Variants in CTNNA3 observed in about 807,000 individuals in gnomAD.
CTNNA3 encodes the protein catenin alpha 3, also known as catenin alpha-3.
A neutral mutation model predicts 95.7 loss-of-function variants in CTNNA3; 76 were observed. The ratio of observed to expected loss-of-function variants is 0.79; its 90% confidence interval spans 0.66 to 0.96. CTNNA3 has a LOEUF of 0.96. Ranked by LOEUF, CTNNA3 falls within the 40% of genes least tolerant of loss-of-function variation. The probability of loss-of-function intolerance (pLI) is 0.00; values close to 1 mark genes in which losing one functional copy is unlikely to be tolerated. For missense variants in CTNNA3, 1,191 were observed against 1,089.8 expected, an observed-to-expected ratio of 1.09 and a Z score of -1.31; for synonymous variants, 431 against 374.4, an observed-to-expected ratio of 1.15 and a Z score of -1.74.
At chr10:67,249,943 A>G (rs920392862) in intron 5 of CTNNA3, among the ~76,000 whole-genome samples, 15 of 152,380 alleles carry the variant, frequency 9.8e-5, no homozygotes, top group Non-Finnish European at 2.2e-4. Flanking sequence ...TAGTGGTCCC[A>G]GCTAGGTACC....
At chr10:67,237,469 A>T (rs1865539584) in intron 5 of CTNNA3, among the ~76,000 whole-genome samples, 1 of 151,862 alleles carries the variant, frequency 6.6e-6, no homozygotes, top group African/African-American at 2.4e-5. Context: ...CCAAAATTTT[A>T]CAAGTCACCA....
chr10:66,371,218 G>A (rs2092751935), intron 12 of CTNNA3, among the ~76,000 whole-genome samples: 1 of 152,086 alleles, frequency 6.6e-6, no homozygotes, highest in African/African-American at 2.4e-5. Context: ...TGTAGTTAAA[G>A]AAAGAAGAAA....
chr10:66,939,296 C>T (rs1432775478), intron 7 of CTNNA3, among the ~76,000 whole-genome samples: 3 of 152,232 alleles, frequency 2.0e-5, no homozygotes, highest in African/African-American at 4.8e-5. Context: ...CTTTGCACTA[C>T]ATTTCTTTTT....
intron 11 of CTNNA3, among the ~76,000 whole-genome samples, chr10:66,383,963 AAAC>A: frequency 6.6e-6 from 1 of 152,292 alleles, no homozygotes; most frequent in African/African-American, 2.4e-5. Flanking sequence ...ACATGGAAAG[AAAC>A]AACTGGTACC....
At chr10:65,994,178 T>C (rs992806666) in intron 15 of CTNNA3, among the ~76,000 whole-genome samples, 6 of 152,222 alleles carry the variant, frequency 3.9e-5, no homozygotes, top group African/African-American at 1.4e-4. Context: ...TATGGTTTGG[T>C]GTTTTTCTGT....
chr10:67,184,108 T>C (rs1862719940), intron 6 of CTNNA3, among the ~76,000 whole-genome samples: 1 of 152,210 alleles, frequency 6.6e-6, no homozygotes, highest in South Asian at 2.1e-4. Context: ...CTGGTGAAGC[T>C]TTCCTAAGCA....
chr10:66,465,356 G>C (rs975046148), intron 11 of CTNNA3, among the ~76,000 whole-genome samples: 1 of 152,100 alleles, frequency 6.6e-6, no homozygotes, highest in Admixed American at 6.6e-5. Flanking sequence ...GTTTGAATCA[G>C]TGTTCAGACT....
rs145119798 is a variant in CTNNA3, at chr10:65,966,632, C to T, written c.2380G>A (p.Gly794Arg). Residue 794 changes from glycine to arginine, a missense_variant, in exon 17 of 18, where the codon GGA (glycine) becomes AGA (arginine). By Grantham distance (125) the Gly-to-Arg change is moderately radical. Transcript: ENST00000433211. ...CTCACAGCTGACATGATGAGCTCTC[C>T]TCCCAGGTTCTGGATCTCAGCTTTA... ...QVKAEIQNLG[G>R]ELIMSALDSV... 8.1e-6 allele frequency: 13 copies of T among 1,613,768 alleles called. No individual in the cohort carries two copies. The highest frequency in any genetic ancestry group is 1.3e-5 in the African/African-American group (1 of 75,056).
intron 11 of CTNNA3, among the ~76,000 whole-genome samples, chr10:66,420,833 A>ATTAATTAATTAAT (rs1296220540): frequency 1.3e-5 from 1 of 77,356 alleles, no homozygotes; most frequent in African/African-American, 5.1e-5. Flanking sequence ...AAATAAATAA[A>ATTAATTAATTAAT]TAAATAAAAA....
chr10:66,846,859 G>GT (rs1212120536), intron 7 of CTNNA3, among the ~76,000 whole-genome samples: 3 of 152,122 alleles, frequency 2.0e-5, no homozygotes, highest in Admixed American at 6.5e-5. Flanking sequence ...CTTTGTTGTA[G>GT]TCCTGGTCTG....
At chr10:66,856,214 G>A (rs1185105069) in intron 7 of CTNNA3, among the ~76,000 whole-genome samples, 1 of 151,930 alleles carries the variant, frequency 6.6e-6, no homozygotes, top group Non-Finnish European at 1.5e-5. Flanking sequence ...TAGAATAATG[G>A]TCTCTAGCTC....
chr10:66,250,886 T>A (rs1022533200), intron 13 of CTNNA3, among the ~76,000 whole-genome samples: 33 of 152,226 alleles, frequency 2.2e-4, no homozygotes, highest in Non-Finnish European at 4.4e-5. Context: ...GTGGCCATTT[T>A]CTAGAGGGTA....
At chr10:66,337,554 G>C (rs1245764153) in intron 12 of CTNNA3, among the ~76,000 whole-genome samples, 1 of 151,812 alleles carries the variant, frequency 6.6e-6, no homozygotes, top group African/African-American at 2.4e-5. Context: ...CTTTGAACCA[G>C]GTCTGACTAC....
At chr10:66,411,545 T>C (rs777165136) in intron 11 of CTNNA3, among the ~76,000 whole-genome samples, 2 of 151,966 alleles carry the variant, frequency 1.3e-5, no homozygotes, top group Non-Finnish European at 2.9e-5. Flanking sequence ...ATTTAACAAA[T>C]ATTTATAAGG....
At chr10:66,651,552 G>T (rs1409162038) in intron 9 of CTNNA3, among the ~76,000 whole-genome samples, 1 of 152,108 alleles carries the variant, frequency 6.6e-6, no homozygotes, top group Non-Finnish European at 1.5e-5. Flanking sequence ...TGCGTGGGGA[G>T]GGGGGTTGGG....
chr10:66,309,904 A>G (rs1469745710), intron 12 of CTNNA3, among the ~76,000 whole-genome samples: 1 of 125,592 alleles, frequency 8.0e-6, no homozygotes, highest in Admixed American at 8.6e-5. Flanking sequence ...CCAAAGATAC[A>G]AAAAATAAAT....
At chr10:66,559,504 G>T (rs2132129730) in intron 10 of CTNNA3, among the ~76,000 whole-genome samples, 1 of 152,004 alleles carries the variant, frequency 6.6e-6, no homozygotes, top group South Asian at 2.1e-4. Context: ...AGAGGTCAGG[G>T]ATGCTGCTAA....
intron 9 of CTNNA3, among the ~76,000 whole-genome samples, chr10:66,707,399 ATT>A (rs113734614): frequency 6.7e-6 from 1 of 149,586 alleles, no homozygotes; most frequent in Middle Eastern, 3.4e-3. Context: ...TTACATTTTA[ATT>A]TTTTTTTTGT....
At chr10:67,253,337 C>T (rs761165122) in intron 5 of CTNNA3, among the ~76,000 whole-genome samples, 43 of 152,272 alleles carry the variant, frequency 2.8e-4, no homozygotes, top group Middle Eastern at 3.4e-3. Context: ...TCAAAACTCA[C>T]AAATTATTTA....
Sources: gnomAD v4.1 joint callset for allele counts (sites outside exome capture counted in the v4.1 genomes callset) on GRCh38, gnomAD v4.1.1 for gene constraint, MANE v1.5 for transcripts, NCBI Gene and HGNC (gene_info 2026-07-23, HGNC 2026-07-21) for gene names.